The following NUP210L variants were observed in gnomAD, a reference collection of about 807,000 sequenced individuals.
The protein encoded by NUP210L is nucleoporin 210 like.
Under a neutral mutation model 208.5 loss-of-function variants are expected in NUP210L, and 74 were observed. The ratio of observed to expected loss-of-function variants is 0.35; its 90% CI spans 0.29 to 0.43. The LOEUF (loss-of-function observed/expected upper bound fraction) is 0.43. Among genes scored for constraint, NUP210L ranks in the 20% least tolerant of loss-of-function variants. The pLI is 1.00. For synonymous variants in NUP210L, 780 were observed against 816.9 expected, an observed-to-expected ratio of 0.95 and a Z score of 0.77; for missense variants, 1,843 against 2,289.4, an observed-to-expected ratio of 0.81 and a Z score of 3.98.
chr1:154,074,886 A>G (rs1251915073), intron 16 of NUP210L, among the ~76,000 whole-genome samples: 2 of 152,230 alleles, frequency 1.3e-5, no homozygotes, highest in Non-Finnish European at 1.5e-5. Context: ...GTATGACACA[A>G]TGGTGAAGTC....
chr1:154,042,747 G>T (rs1348721846), intron 27 of NUP210L, among the ~76,000 whole-genome samples: 4 of 151,010 alleles, frequency 2.6e-5, no homozygotes, highest in Admixed American at 6.6e-5. Flanking sequence ...TTGAGACAAG[G>T]TCTCACTCTG....
intron 29 of NUP210L, among the ~76,000 whole-genome samples, chr1:154,026,442 G>A (rs1055267047): frequency 8.6e-5 from 13 of 151,902 alleles, no homozygotes; most frequent in African/African-American, 1.9e-4. Flanking sequence ...TCCGCCTCCC[G>A]GGTTCAAGTG....
At chr1:154,000,893 T>G in exon 37 of NUP210L, 1 of 1,614,138 alleles carries the variant, frequency 6.2e-7, no homozygotes, top group Non-Finnish European at 8.5e-7. Context: ...TCACTACCAC[T>G]GCCTCACTTT....
chr1:154,137,684 C>T (rs1039482803), intron 6 of NUP210L, among the ~76,000 whole-genome samples: 4 of 152,036 alleles, frequency 2.6e-5, no homozygotes, highest in African/African-American at 7.2e-5. Context: ...CACTGTACTA[C>T]AACCTGGGCA....
intron 10 of NUP210L, among the ~76,000 whole-genome samples, chr1:154,122,163 T>A (rs558307007): frequency 6.6e-6 from 1 of 152,314 alleles, no homozygotes; most frequent in African/African-American, 2.4e-5. Flanking sequence ...AACAACTTTA[T>A]GTGATAAATT....
chr1:153,993,977 C>T (rs1024299803), intron 38 of NUP210L, among the ~76,000 whole-genome samples: 50 of 152,126 alleles, frequency 3.3e-4, no homozygotes, highest in Non-Finnish European at 5.7e-4. Context: ...AATTCCCTGT[C>T]TCAAGAAATC....
At chr1:154,042,836 T>G (rs1557935718) in intron 27 of NUP210L, among the ~76,000 whole-genome samples, 1 of 151,938 alleles carries the variant, frequency 6.6e-6, no homozygotes, top group East Asian at 1.9e-4. Flanking sequence ...CTCAGCCTCC[T>G]GAGTAGCTGG....
chr1:154,053,940 T>A (rs1287029148), intron 25 of NUP210L, among the ~76,000 whole-genome samples: 1 of 152,238 alleles, frequency 6.6e-6, no homozygotes, highest in African/African-American at 2.4e-5. Flanking sequence ...TATATTGTTA[T>A]GTATTACAAA....
chr1:154,001,429 C>A (rs1210352912), intron 36 of NUP210L, among the ~76,000 whole-genome samples: 1 of 152,162 alleles, frequency 6.6e-6, no homozygotes, highest in African/African-American at 2.4e-5. Flanking sequence ...ATCTGTTGAC[C>A]TTGTGATCCA....
rs559630622 is a variant in NUP210L, at chr1:154,059,623, G to A, written c.2850+917C>T. Among the ~76,000 whole-genome samples the A allele has an allele frequency of 3.7e-4, 57 of 152,180 alleles. No homozygotes were observed. The South Asian group carries it at 4.4e-3, about 12-fold the overall frequency. On this transcript the variant is annotated intron_variant, in intron 20 of 39. Coordinates refer to ENST00000368559, the Ensembl canonical transcript of NUP210L. Reference sequence around the variant, plus strand: ...GGAAAGGATGTCATGAAGAAAAATCGCGTGCATTTATGCCACAATCACTAG... The same window carrying A: ...GGAAAGGATGTCATGAAGAAAAATCACGTGCATTTATGCCACAATCACTAG...
chr1:153,994,866 G>A lies in NUP210L; in HGVS notation c.5491+210C>T, dbSNP rs189370590. ...GTCTCTACTAAAAATACAAAAATTAGTCGGGAGCAGTGGCCGGCGCCTGTA... is the reference window on the plus strand; with the variant it reads ...GTCTCTACTAAAAATACAAAAATTAATCGGGAGCAGTGGCCGGCGCCTGTA... On this transcript the variant is annotated intron_variant, in intron 38 of 39. Coordinates refer to ENST00000368559, the Ensembl canonical transcript of NUP210L. 1.6e-3 allele frequency among the ~76,000 whole-genome samples: 238 copies of A among 151,798 alleles called. 1 individual carries two copies. Among genetic ancestry groups the A allele is most frequent in the Non-Finnish European group, 2.5e-3 (169 of 67,914 alleles).
rs192235545 is a variant in NUP210L at position 154,103,887 on chromosome 1, T to C, written c.1819+125A>G. On this transcript the variant is annotated intron_variant, in intron 13 of 39. Coordinates refer to ENST00000368559, the Ensembl canonical transcript of NUP210L. Reference sequence around the variant, plus strand: ...AAAAGTAATATGTGAACTTAGACTATAATTGGTAGTTTCTGAATTGTTGAT... The same window carrying C: ...AAAAGTAATATGTGAACTTAGACTACAATTGGTAGTTTCTGAATTGTTGAT... The C allele has an allele frequency of 1.0e-3, 688 of 690,104 alleles. 4 individuals carry two copies. In the East Asian group the frequency reaches 0.014, roughly 14 times the overall value. 42.7% of individuals were successfully genotyped at this position (690,104 alleles called of 1,614,324 possible). A position where few individuals can be genotyped will look rare whatever the true frequency, so the allele number is the denominator to read the frequency against.
chr1:154,152,891 T>C lies in NUP210L; in HGVS notation c.204-19A>G. 6.2e-7 allele frequency: 1 copy of C among 1,612,600 alleles called. No individual in the cohort carries two copies. The highest frequency in any genetic ancestry group is 8.5e-7 in the Non-Finnish European group (1 of 1,178,666). On this transcript the variant is annotated intron_variant, in intron 1 of 39. Transcript: ENST00000368559. ...GGAATGCCTGCCAGAACAAAATTCTTAAGAGTGTGAAATAGGTGGGTTAAA... is the reference window on the plus strand; with the variant it reads ...GGAATGCCTGCCAGAACAAAATTCTCAAGAGTGTGAAATAGGTGGGTTAAA...
chr1:154,130,523 T>G (rs1440854450), intron 7 of NUP210L, among the ~76,000 whole-genome samples: 4 of 151,212 alleles, frequency 2.6e-5, no homozygotes, highest in Non-Finnish European at 5.9e-5. Context: ...TCCACCCGCC[T>G]CAGCCTCCCA....
chr1:154,144,013 C>G (rs1658989398), intron 2 of NUP210L, among the ~76,000 whole-genome samples: 1 of 151,974 alleles, frequency 6.6e-6, no homozygotes, highest in Non-Finnish European at 1.5e-5. Flanking sequence ...AACCCCGTCT[C>G]TACTAAAAAT....
chr1:154,022,282 T>C, exon 32 of NUP210L: 1 of 1,614,150 alleles, frequency 6.2e-7, no homozygotes, highest in Non-Finnish European at 8.5e-7. Flanking sequence ...AGCCCTCTGT[T>C]CACAGCCTGG....
intron 6 of NUP210L, among the ~76,000 whole-genome samples, chr1:154,136,919 C>CAAAAAAAA (rs11374907): frequency 3.2e-5 from 2 of 62,984 alleles, no homozygotes; most frequent in Non-Finnish European, 5.4e-5. Flanking sequence ...GAATCCATCT[C>CAAAAAAAA]AAAAAAAAAA....
At chr1:154,141,622 T>G in intron 3 of NUP210L, 98 bp from the exon 4 acceptor site, 1 of 720,090 alleles carries the variant, frequency 1.4e-6, no homozygotes, top group Middle Eastern at 2.4e-4. Flanking sequence ...AAAATTACTT[T>G]GAAGCCTCTT....
chr1:154,106,812 G>A lies in NUP210L; in HGVS notation c.1621-2602C>T, dbSNP rs142317256. On this transcript the variant is annotated intron_variant, in intron 12 of 39. Transcript: ENST00000368559. ...GTCACAGCTTTACTGGGCTTGGGGT[G>A]CCGCCCAACGCAGATATGTACTGCA... Among the ~76,000 whole-genome samples, 30 of 152,356 alleles carry A rather than the reference G, an allele frequency of 2.0e-4. 1 individual carries two copies. In the East Asian group the frequency reaches 5.8e-3, roughly 29 times the overall value.
Sources: allele counts gnomAD v4.1 joint callset (sites outside exome capture counted in the v4.1 genomes callset), GRCh38; gene constraint gnomAD v4.1.1; transcripts MANE v1.5; gene names NCBI Gene and HGNC (gene_info 2026-07-23, HGNC 2026-07-21).